STAT1: variants seen among roughly 807,000 people sequenced by gnomAD.
STAT1 encodes the protein signal transducer and activator of transcription 1-alpha/beta.
A neutral mutation model predicts 111.7 loss-of-function variants in STAT1; 24 were observed. The ratio of observed to expected loss-of-function variants is 0.21; its 90% CI spans 0.16 to 0.30. The LOEUF (loss-of-function observed/expected upper bound fraction) is 0.30, where lower values mean the gene tolerates loss of function less well. STAT1 is among the 10% of genes least tolerant of loss of function. The pLI is 1.00. For missense variants in STAT1, 351 were observed against 911.9 expected (o/e 0.38, Z 7.92); for synonymous variants, 332 against 326.5 (o/e 1.02, Z -0.18).
rs1022838783 is a variant in STAT1 at position 191,007,407 on chromosome 2, G to A, written c.372+156C>T. 6.6e-6 allele frequency among the ~76,000 whole-genome samples: 1 copy of A among 152,150 alleles called. No individual in the cohort carries two copies. The highest frequency in any genetic ancestry group is 1.5e-5 in the Non-Finnish European group (1 of 68,010). ...TAGATTAGGATCTTTCTTAAAGCCT[G>A]GTTCTATAAAATCTCTAAATCTGAT... On this transcript the variant is annotated intron_variant, in intron 5 of 24. Transcript: ENST00000361099. The surrounding 1 kb of genome is among the most constrained non-coding windows in gnomAD (Gnocchi z 4.2).
intron 10 of STAT1, among the ~76,000 whole-genome samples, chr2:190,991,586 C>T (rs543098171): frequency 6.6e-6 from 1 of 152,286 alleles, no homozygotes; most frequent in Admixed American, 6.5e-5. Context: ...AGGCTAGGCA[C>T]AGTGGCCCAT....
At position 190,975,645 on chromosome 2, in the gene STAT1, G is replaced by A; in HGVS notation, c.2135+167C>T. The A allele has an allele frequency of 7.3e-7, 1 of 1,361,362 alleles. No individual in the cohort carries two copies. The highest frequency in any genetic ancestry group is 9.6e-7 in the Non-Finnish European group (1 of 1,044,888). The allele number at this position is 1,361,362 out of a possible 1,614,324, so 84.3% of individuals were successfully genotyped here. On this transcript the variant is annotated intron_variant, in intron 23 of 24. Transcript: ENST00000361099. This position sits in a 1 kb window ranked among gnomAD's most constrained non-coding sequence, Gnocchi z 5.9. ...TTTTGGCTTTTTTTTTTTTTTTAAA[G>A]TAGTAAAATGCTGATAGGCAGTAAC... is the stretch of plus-strand genomic sequence containing the variant.
chr2:191,008,161 G>T, intron 4 of STAT1: 1 of 235,208 alleles, frequency 4.3e-6, no homozygotes, highest in Non-Finnish European at 8.8e-6. Flanking sequence ...ATTCATGCAA[G>T]GTCTGTATGA....
Position 190,999,500 on chromosome 2 carries a change from G to A in STAT1, c.541+126C>T. ...TTGGATGTTGAGAAGCCCTGGCCTG[G>A]GTTATCAAGGAAGAATTCAGAGTCA... On this transcript the variant is annotated intron_variant, in intron 7 of 24. Coordinates refer to ENST00000361099, the MANE Select transcript of STAT1 (RefSeq NM_007315.4). The surrounding 1 kb of genome is among the most constrained non-coding windows in gnomAD (Gnocchi z 4.1). 4 of 741,950 alleles carry A rather than the reference G, an allele frequency of 5.4e-6. No homozygotes were observed. Among genetic ancestry groups the A allele is most frequent in the Non-Finnish European group, 9.7e-6 (4 of 413,070 alleles). The allele number at this position is 741,950 out of a possible 1,614,324, so 46.0% of individuals were successfully genotyped here. A position where few individuals can be genotyped will look rare whatever the true frequency, so the allele number is the denominator to read the frequency against.
In STAT1 at chr2:190,993,390, T is replaced by C; in HGVS notation, c.944+1671A>G. 4.4e-6 allele frequency: 6 copies of C among 1,364,260 alleles called. No homozygotes were observed. In the South Asian group the frequency reaches 4.9e-5, roughly 11 times the overall value. 84.5% of individuals were successfully genotyped at this position (1,364,260 alleles called of 1,614,324 possible). On this transcript the variant is annotated intron_variant, in intron 10 of 24. Coordinates refer to ENST00000361099, the MANE Select transcript of STAT1 (RefSeq NM_007315.4). This position sits in a 1 kb window ranked among gnomAD's most constrained non-coding sequence, Gnocchi z 4.1. ...GCTGTGTTCCATATTTGAAGCTTGA[T>C]TGTTTTCCCGTCTAACTCTATAGTT...
chr2:190,975,468 G>T lies in STAT1; in HGVS notation c.2135+344C>A. The T allele has an allele frequency of 2.1e-6, 2 of 964,876 alleles. No individual in the cohort carries two copies. Among genetic ancestry groups the T allele is most frequent in the Non-Finnish European group, 3.0e-6 (2 of 667,678 alleles). 59.8% of individuals were successfully genotyped at this position (964,876 alleles called of 1,614,324 possible). A position where few individuals can be genotyped will look rare whatever the true frequency, so the allele number is the denominator to read the frequency against. On this transcript the variant is annotated intron_variant, in intron 23 of 24. Transcript: ENST00000361099. The surrounding 1 kb of genome is among the most constrained non-coding windows in gnomAD (Gnocchi z 5.9). ...AAATGAAACAACAAAATCAAAGCAA[G>T]TGGAGACAGTGTATCTCAATCATTA...
chr2:191,003,936 C>G lies in STAT1; in HGVS notation c.373-2773G>C, dbSNP rs7577007. On this transcript the variant is annotated intron_variant, in intron 5 of 24. Coordinates refer to ENST00000361099, the MANE Select transcript of STAT1 (RefSeq NM_007315.4). This position sits in a 1 kb window ranked among gnomAD's most constrained non-coding sequence, Gnocchi z 4.0. ...AATGACCAAGGCTCGGTTTAGAGAA[C>G]AGGGATATAAACAATGGCTGTAAAA... 1.1e-4 allele frequency among the ~76,000 whole-genome samples: 17 copies of G among 152,322 alleles called. No homozygotes were observed. The highest frequency in any genetic ancestry group is 3.4e-4 in the African/African-American group (14 of 41,580).
rs1692800991 is a variant in STAT1 at position 190,986,173 on chromosome 2, T to C, written c.1222-513A>G. 6.6e-6 allele frequency among the ~76,000 whole-genome samples: 1 copy of C among 152,206 alleles called. No homozygotes were observed. Among genetic ancestry groups the C allele is most frequent in the Admixed American group, 6.5e-5 (1 of 15,286 alleles). On this transcript the variant is annotated intron_variant, in intron 14 of 24. Transcript: ENST00000361099. This position sits in a 1 kb window ranked among gnomAD's most constrained non-coding sequence, Gnocchi z 5.0. ...GCTAAGCTTTCGAGTTAGGTAGAGC[T>C]TCCTAGCTACGAGGCTTGCTGGATC...
chr2:191,002,463 T>C (rs1694349712), intron 5 of STAT1, among the ~76,000 whole-genome samples: 1 of 152,228 alleles, frequency 6.6e-6, no homozygotes, highest in Non-Finnish European at 1.5e-5. Context: ...TTCATTGCTC[T>C]ACTTGTTCAG....
rs757527885 is a variant in STAT1 at position 190,984,403 on chromosome 2, G to C, written c.1264-10C>G. 2.5e-6 allele frequency: 4 copies of C among 1,605,714 alleles called. No individual in the cohort carries two copies. The highest frequency in any genetic ancestry group is 4.5e-5 in the East Asian group (2 of 44,810). ...TAACGATGAGAGGACCCTTGGAAGA[G>C]AAAAGGAAAGAAGAAAAGAATATAA... On this transcript the variant is annotated splice_polypyrimidine_tract_variant and intron_variant, in intron 15 of 24. Coordinates refer to ENST00000361099, the MANE Select transcript of STAT1 (RefSeq NM_007315.4). The surrounding 1 kb of genome is among the most constrained non-coding windows in gnomAD (Gnocchi z 5.2).
rs1283145826 is a variant in STAT1, at chr2:190,981,663, T to C, written c.1582+720A>G. ...GAAAGTCACTGAGTTAGGAAGAGCC[T>C]ACTGCTGTTTGGAGTAAATGCAGTG... On this transcript the variant is annotated intron_variant, in intron 18 of 24. Transcript: ENST00000361099. The surrounding 1 kb of genome is among the most constrained non-coding windows in gnomAD (Gnocchi z 4.1). 6.6e-6 allele frequency among the ~76,000 whole-genome samples: 1 copy of C among 152,262 alleles called. No individual in the cohort carries two copies. Among genetic ancestry groups the C allele is most frequent in the East Asian group, 1.9e-4 (1 of 5,204 alleles).
chr2:191,009,333 G>T (rs1472683845), intron 3 of STAT1, among the ~76,000 whole-genome samples: 1 of 152,186 alleles, frequency 6.6e-6, no homozygotes, highest in East Asian at 1.9e-4. Flanking sequence ...GATTGTGCAT[G>T]ACAGTGTTCA....
At position 190,993,662 on chromosome 2, in the gene STAT1, G is replaced by A. The variant is rs958395404; in HGVS notation, c.944+1399C>T. The A allele has an allele frequency of 9.8e-6, 5 of 509,390 alleles. No individual in the cohort carries two copies. The highest frequency in any genetic ancestry group is 3.9e-5 in the African/African-American group (2 of 51,880). 31.6% of individuals were successfully genotyped at this position (509,390 alleles called of 1,614,324 possible). A position where few individuals can be genotyped will look rare whatever the true frequency, so the allele number is the denominator to read the frequency against. ...ACGGGTAACTGAAGGAAAGGAATGA[G>A]ATAGGCTGTTCTGGGAGAGTAAATG... On this transcript the variant is annotated intron_variant, in intron 10 of 24. Transcript: ENST00000361099. This position sits in a 1 kb window ranked among gnomAD's most constrained non-coding sequence, Gnocchi z 4.1.
Position 191,007,449 on chromosome 2 carries a change from G to T in STAT1, c.372+114C>A. Reference sequence around the variant, plus strand: ...AAATCTGATTCTCCCACTTCTTGGGGCTATAAAATTAGAGAGATATTCATC... The same window carrying T: ...AAATCTGATTCTCCCACTTCTTGGGTCTATAAAATTAGAGAGATATTCATC... On this transcript the variant is annotated intron_variant, in intron 5 of 24. Coordinates refer to ENST00000361099, the MANE Select transcript of STAT1 (RefSeq NM_007315.4). The surrounding 1 kb of genome is among the most constrained non-coding windows in gnomAD (Gnocchi z 4.2). 1.3e-6 allele frequency: 1 copy of T among 781,372 alleles called. No homozygotes were observed. Among genetic ancestry groups the T allele is most frequent in the Non-Finnish European group, 2.1e-6 (1 of 467,384 alleles). The allele number at this position is 781,372 out of a possible 1,614,324, so 48.4% of individuals were successfully genotyped here.
rs375220232 is a variant in STAT1 at position 190,995,024 on chromosome 2, G to A, written c.944+37C>T. 222 of 1,599,082 alleles carry A rather than the reference G, an allele frequency of 1.4e-4. 1 individual carries two copies. In the East Asian group the frequency reaches 2.5e-3, roughly 18 times the overall value. On this transcript the variant is annotated intron_variant, in intron 10 of 24. Transcript: ENST00000361099. This position sits in a 1 kb window ranked among gnomAD's most constrained non-coding sequence, Gnocchi z 4.2. ...GGTAAAATGTTCCTCTGTATAGACC[G>A]ATTACAGAAGGTACAAATAAATGTC...
chr2:190,990,918 G>A lies in STAT1; in HGVS notation c.1037+310C>T, dbSNP rs972578807. On this transcript the variant is annotated intron_variant, in intron 11 of 24. Coordinates refer to ENST00000361099, the MANE Select transcript of STAT1 (RefSeq NM_007315.4). The surrounding 1 kb of genome is among the most constrained non-coding windows in gnomAD (Gnocchi z 5.1). ...ATGAGCCTATGCCCAAGAGGGGTGAGGCAGCCAGGAACTTTTACTCTCTAT... is the reference window on the plus strand; with the variant it reads ...ATGAGCCTATGCCCAAGAGGGGTGAAGCAGCCAGGAACTTTTACTCTCTAT... Among the ~76,000 whole-genome samples, 2 of 152,128 alleles carry A rather than the reference G, an allele frequency of 1.3e-5. No individual in the cohort carries two copies. The highest frequency in any genetic ancestry group is 4.8e-5 in the African/African-American group (2 of 41,436).
intron 5 of STAT1, among the ~76,000 whole-genome samples, chr2:191,002,072 A>G (rs1694314316): frequency 6.6e-6 from 1 of 152,178 alleles, no homozygotes; most frequent in Non-Finnish European, 1.5e-5. Flanking sequence ...TTTTCCTTAT[A>G]TTAGAAAGCC....
rs142514621 is a variant in STAT1, at chr2:190,990,062, T to TC, written c.1038-389_1038-388insG. Among the ~76,000 whole-genome samples the TC allele has an allele frequency of 3.7e-3, 559 of 152,334 alleles. 6 individuals carry two copies. Among genetic ancestry groups the TC allele is most frequent in the African/African-American group, 0.013 (532 of 41,566 alleles). The stretch of plus-strand genomic sequence containing the variant: ...ATTACTTTCTATTAAAACTTGTATC[T>TC]AATCTTTGTCCTGTTGGGAGACAAT... On this transcript the variant is annotated intron_variant, in intron 11 of 24. Transcript: ENST00000361099. This position sits in a 1 kb window ranked among gnomAD's most constrained non-coding sequence, Gnocchi z 5.1.
Position 190,989,145 on chromosome 2 carries a change from C to A in STAT1, c.1097+470G>T, listed in dbSNP as rs959830056. ...AAAAACCCCCAAATGACCACAGAAT[C>A]ATGGCAGCCTGGACGTTCAGCCTCG... On this transcript the variant is annotated intron_variant, in intron 12 of 24. Coordinates refer to ENST00000361099, the MANE Select transcript of STAT1 (RefSeq NM_007315.4). This position sits in a 1 kb window ranked among gnomAD's most constrained non-coding sequence, Gnocchi z 5.0. Among the ~76,000 whole-genome samples, 1 of 152,178 alleles carries A rather than the reference C, an allele frequency of 6.6e-6. No homozygotes were observed. Among genetic ancestry groups the A allele is most frequent in the African/African-American group, 2.4e-5 (1 of 41,436 alleles).
Sources: gnomAD v4.1 joint callset for allele counts (sites outside exome capture counted in the v4.1 genomes callset) on GRCh38, gnomAD v4.1.1 for gene constraint, Gnocchi (gnomAD v3.1) non-coding constraint, MANE v1.5 for transcripts, NCBI Gene and HGNC (gene_info 2026-07-23, HGNC 2026-07-21) for gene names.